TENM1: variants seen among roughly 807,000 people sequenced by gnomAD.
TENM1 encodes the protein teneurin-1.
A neutral mutation model predicts 174.8 loss-of-function variants in TENM1; 35 were observed. The observed-to-expected ratio is 0.20, with a 90% CI of 0.15 to 0.27. The LOEUF is 0.27. Ranked by LOEUF, TENM1 falls within the 10% of genes least tolerant of loss-of-function variation. The pLI is 1.00. For synonymous variants in TENM1, 781 were observed against 798.7 expected, an observed-to-expected ratio of 0.98 and a Z score of 0.37; for missense variants, 1,633 against 2,130.1, an observed-to-expected ratio of 0.77 and a Z score of 4.59.
chrX:124,519,395 GTCTC>G (rs764225363), intron 18 of TENM1, among the ~76,000 whole-genome samples: 15 of 108,541 alleles, frequency 1.4e-4, no homozygotes, highest in East Asian at 2.9e-4. Context: ...AGAGTCATTA[GTCTC>G]TCTCTCTCTC....
At chrX:124,717,878 C>T (rs767006848) in intron 4 of TENM1, among the ~76,000 whole-genome samples, 18 of 112,199 alleles carry the variant, frequency 1.6e-4, no homozygotes, top group Middle Eastern at 4.6e-3. Context: ...AAAAGGAAAT[C>T]TTAATAGTAA....
the TENM1 span, among the ~76,000 whole-genome samples, chrX:125,058,162 A>G: frequency 2.1e-4 from 24 of 111,933 alleles, no homozygotes; most frequent in Admixed American, 2.2e-3. Flanking sequence ...TAATAAAAAG[A>G]CCGATAACAC....
chrX:124,985,744 A>C, the TENM1 span, among the ~76,000 whole-genome samples: 2 of 112,166 alleles, frequency 1.8e-5, no homozygotes, highest in Non-Finnish European at 3.8e-5. Context: ...AGGGAAAAAA[A>C]ACTAAAAACA....
intron 6 of TENM1, among the ~76,000 whole-genome samples, chrX:124,657,016 G>A (rs746082461): frequency 9.0e-6 from 1 of 110,782 alleles, no homozygotes; most frequent in East Asian, 2.8e-4. Context: ...GATCTATTTG[G>A]CCAAACTTAA....
chrX:124,876,004 AT>A (rs894450344), intron 3 of TENM1, among the ~76,000 whole-genome samples: 1 of 110,023 alleles, frequency 9.1e-6, no homozygotes, highest in Non-Finnish European at 1.9e-5. Flanking sequence ...TCTATCAAAA[AT>A]TGATGCATGA....
At chrX:124,673,530 G>A in intron 5 of TENM1, among the ~76,000 whole-genome samples, 1 of 111,614 alleles carries the variant, frequency 9.0e-6, no homozygotes, top group Middle Eastern at 4.6e-3. Context: ...GAATGAATTG[G>A]AGACCTAAAG....
exon 15 of TENM1, chrX:124,547,032 A>T (rs769256278): frequency 8.3e-7 from 1 of 1,211,536 alleles, no homozygotes; most frequent in Admixed American, 2.2e-5. Flanking sequence ...GGCAGAGAGG[A>T]CTTATATAAC....
intron 20 of TENM1, among the ~76,000 whole-genome samples, chrX:124,495,723 T>G (rs1432184234): frequency 3.9e-5 from 4 of 103,653 alleles, no homozygotes; most frequent in African/African-American, 1.5e-4. Context: ...TAAAAGAGGA[T>G]ACAAAGAAAT....
chrX:125,200,654 T>TGAGAGAGAGA, the TENM1 span, among the ~76,000 whole-genome samples: 64 of 92,418 alleles, frequency 6.9e-4, no homozygotes, highest in African/African-American at 2.0e-3. Flanking sequence ...TGTGTGTGTG[T>TGAGAGAGAGA]GAGAGAGAGA....
intron 1 of TENM1, among the ~76,000 whole-genome samples, chrX:124,959,849 C>T (rs1257729026): frequency 9.0e-6 from 1 of 111,415 alleles, no homozygotes; most frequent in African/African-American, 3.3e-5. Context: ...TCTATCAATT[C>T]GAACACACTT....
intron 3 of TENM1, among the ~76,000 whole-genome samples, chrX:124,819,419 G>A (rs1263369295): frequency 9.0e-6 from 1 of 111,335 alleles, no homozygotes; most frequent in East Asian, 2.8e-4. Context: ...TTATGTGGGA[G>A]AGGTTTAGTG....
At chrX:124,377,194 T>C (rs1453179586) in exon 32 of TENM1, 6 of 111,063 alleles carry the variant, frequency 5.4e-5, no homozygotes, top group Admixed American at 2.9e-4. Flanking sequence ...GTGTCAACAG[T>C]GATGAAAATG....
the TENM1 span, among the ~76,000 whole-genome samples, chrX:125,195,503 C>T: frequency 1.8e-5 from 2 of 111,637 alleles, no homozygotes; most frequent in East Asian, 2.8e-4. Flanking sequence ...ACAAGTTGTC[C>T]GATGTTTCAT....
chrX:124,644,186 CAT>C (rs1385895264), intron 10 of TENM1, among the ~76,000 whole-genome samples: 5 of 95,004 alleles, frequency 5.3e-5, no homozygotes, highest in East Asian at 3.2e-4. Context: ...TATATATAGA[CAT>C]ATATATATAA....
At chrX:124,590,395 A>G (rs2049704817) in intron 11 of TENM1, among the ~76,000 whole-genome samples, 1 of 110,087 alleles carries the variant, frequency 9.1e-6, no homozygotes. Context: ...TTCAAAGAGA[A>G]TAAAATACCT....
At chrX:124,393,611 T>C (rs1243015945) in intron 27 of TENM1, among the ~76,000 whole-genome samples, 1 of 111,898 alleles carries the variant, frequency 8.9e-6, no homozygotes, top group Non-Finnish European at 1.9e-5. Context: ...TTAGTTTTAG[T>C]GGGTTTTATG....
chrX:125,085,493 A>G, the TENM1 span, among the ~76,000 whole-genome samples: 1 of 111,222 alleles, frequency 9.0e-6, no homozygotes, highest in Non-Finnish European at 1.9e-5. Flanking sequence ...ACTTTCCAGA[A>G]AGATGATACT....
exon 29 of TENM1, chrX:124,385,784 T>C: frequency 8.3e-7 from 1 of 1,211,743 alleles, no homozygotes; most frequent in African/African-American, 1.7e-5. Flanking sequence ...AGTGGTATCA[T>C]AGAGAACCTC....
chrX:124,844,440 G>A (rs991806139), intron 3 of TENM1, among the ~76,000 whole-genome samples: 1 of 111,336 alleles, frequency 9.0e-6, no homozygotes, highest in African/African-American at 3.3e-5. Flanking sequence ...TTCCCCTTCC[G>A]TAACACTGCC....
Sources: gnomAD v4.1 joint callset for allele counts (sites outside exome capture counted in the v4.1 genomes callset) on GRCh38, gnomAD v4.1.1 for gene constraint, MANE v1.5 for transcripts, NCBI Gene and HGNC (gene_info 2026-07-23, HGNC 2026-07-21) for gene names.